The following SPTAN1 variants were observed in gnomAD, a reference collection of about 807,000 sequenced individuals.
SPTAN1 encodes spectrin alpha chain, non-erythrocytic 1.
A neutral mutation model predicts 331.3 loss-of-function variants in SPTAN1; 61 were observed. That is an observed-to-expected ratio of 0.18 (90% CI 0.15 to 0.23). The LOEUF (loss-of-function observed/expected upper bound fraction) is 0.23. Ranked by LOEUF, SPTAN1 falls within the 10% of genes least tolerant of loss-of-function variation. The pLI is 1.00. For synonymous variants in SPTAN1, 1,153 were observed against 1,173.9 expected (o/e 0.98, Z 0.36); for missense variants, 2,043 against 3,147.9 (o/e 0.65, Z 8.40).
At chr9:128,589,001 A>T in intron 21 of SPTAN1, 58 bp downstream of exon 21, 1 of 1,602,740 alleles carries the variant, frequency 6.2e-7, no homozygotes, top group Non-Finnish European at 8.5e-7. Flanking sequence ...ACGTATGCTC[A>T]GTTGGGTTTC....
chr9:128,633,639 A>T lies in SPTAN1; in HGVS notation c.*305A>T. On this transcript the variant is annotated 3_prime_UTR_variant, in exon 57 of 57. Coordinates refer to ENST00000372739, the MANE Select transcript of SPTAN1 (RefSeq NM_001130438.3). ...CCAAATCTGTTTTCATGTAAAAGACAAATAAATGATGACTTCCCCCAAAGC... is the reference window on the plus strand; with the variant it reads ...CCAAATCTGTTTTCATGTAAAAGACTAATAAATGATGACTTCCCCCAAAGC... The T allele has an allele frequency of 7.3e-7, 1 of 1,366,712 alleles. No individual in the cohort carries two copies. The highest frequency in any genetic ancestry group is 1.0e-6 in the Non-Finnish European group (1 of 997,502). 84.7% of individuals were successfully genotyped at this position (1,366,712 alleles called of 1,614,324 possible). A position where few individuals can be genotyped will look rare whatever the true frequency, so the allele number is the denominator to read the frequency against.
At position 128,566,756 on chromosome 9, in the gene SPTAN1, G is replaced by A; in HGVS notation, c.16G>A (p.Val6Ile). The A allele has an allele frequency of 6.2e-7, 1 of 1,614,202 alleles. No homozygotes were observed. Reference sequence around the variant, plus strand: ...ATTTCAGAAAATGGACCCAAGTGGGGTCAAAGTGCTGGAAACAGCAGAGGA... The same window carrying A: ...ATTTCAGAAAATGGACCCAAGTGGGATCAAAGTGCTGGAAACAGCAGAGGA... MDPSG[V>I]KVLETAEDIQ... The change falls in exon 2 of 57, where the codon GTC (valine) becomes ATC (isoleucine). Residue 6 changes from valine (V) to isoleucine (I), a missense_variant. Physicochemically the swap from Val to Ile is conservative, Grantham distance 29. This residue lies in a region of SPTAN1 where 1,038 missense variants were observed against 1,531.5 expected (regional missense o/e 0.68). Coordinates refer to ENST00000372739, the MANE Select transcript of SPTAN1 (RefSeq NM_001130438.3).
chr9:128,617,203 C>T (rs1005170295), intron 41 of SPTAN1, among the ~76,000 whole-genome samples: 2 of 150,262 alleles, frequency 1.3e-5, no homozygotes, highest in African/African-American at 4.9e-5. Flanking sequence ...CATGCCATTG[C>T]ACTTTAGCCT....
At chr9:128,603,218 T>C (rs1855405765) in intron 27 of SPTAN1, among the ~76,000 whole-genome samples, 2 of 152,086 alleles carry the variant, frequency 1.3e-5, no homozygotes, top group Admixed American at 6.6e-5. Context: ...TCTCCTGTAG[T>C]ATAGACAAGA....
rs180843381 is a variant in SPTAN1, at chr9:128,563,627, T to C, written c.-3-3111T>C. ...CAAACTGAAAGATTCGTTATGGAGC[T>C]CTCTCCCTACCCCTTACAAATGAAT... is the stretch of plus-strand genomic sequence containing the variant. On this transcript the variant is annotated intron_variant, in intron 1 of 56. Transcript: ENST00000372739. 1.2e-4 allele frequency among the ~76,000 whole-genome samples: 18 copies of C among 152,134 alleles called. 1 individual carries two copies. Among genetic ancestry groups the C allele is most frequent in the Admixed American group, 1.2e-3 (18 of 15,268 alleles).
At position 128,627,793 on chromosome 9, in the gene SPTAN1, G is replaced by T. The variant is rs1430064473; in HGVS notation, c.6690-132G>T. The stretch of plus-strand genomic sequence containing the variant: ...ATGACTTGGTGACAGACGATGCAGG[G>T]TCTGTGCGTTGGGTACTGATGTTCT... On this transcript the variant is annotated intron_variant, in intron 50 of 56. Transcript: ENST00000372739. This position sits in a 1 kb window ranked among gnomAD's most constrained non-coding sequence, Gnocchi z 4.9. 3 of 1,162,294 alleles carry T rather than the reference G, an allele frequency of 2.6e-6. No homozygotes were observed. Among genetic ancestry groups the T allele is most frequent in the African/African-American group, 3.0e-5 (2 of 66,114 alleles). 72.0% of individuals were successfully genotyped at this position (1,162,294 alleles called of 1,614,324 possible). A position where few individuals can be genotyped will look rare whatever the true frequency, so the allele number is the denominator to read the frequency against.
At chr9:128,563,155 C>CT (rs1306064176) in intron 1 of SPTAN1, among the ~76,000 whole-genome samples, 1 of 151,842 alleles carries the variant, frequency 6.6e-6, no homozygotes, top group East Asian at 1.9e-4. Flanking sequence ...GTGGCTCATG[C>CT]TTGTAATCCC....
chr9:128,609,654 T>A lies in SPTAN1; in HGVS notation c.4762T>A (p.Ser1588Thr). The change falls in exon 37 of 57, where the codon TCC becomes ACC. Residue 1588 changes from serine to threonine, a missense_variant. Ser to Thr is a moderately conservative substitution (Grantham distance 58). Transcript: ENST00000372739. ...SYKDPTNIQL[S>T]KLLSKHQKHQ... ...TTCTTTTAATCTGTTTTTGTAGCTT[T>A]CCAAGCTGCTGGTAAGTTTTTAATT... 6.6e-7 allele frequency: 1 copy of A among 1,525,940 alleles called. No individual in the cohort carries two copies. Among genetic ancestry groups the A allele is most frequent in the Non-Finnish European group, 8.8e-7 (1 of 1,139,144 alleles). The allele number at this position is 1,525,940 out of a possible 1,614,324, so 94.5% of individuals were successfully genotyped here. A position where few individuals can be genotyped will look rare whatever the true frequency, so the allele number is the denominator to read the frequency against.
chr9:128,600,206 G>A (rs763723561), intron 27 of SPTAN1, 91 bp downstream of exon 27: 10 of 1,410,640 alleles, frequency 7.1e-6, no homozygotes, highest in Non-Finnish European at 1.0e-5. Context: ...TGAATATTCA[G>A]CTTAAGTCTT....
At chr9:128,594,826 A>ATT (rs572195712) in intron 24 of SPTAN1, among the ~76,000 whole-genome samples, 9 of 76,810 alleles carry the variant, frequency 1.2e-4, no homozygotes, top group East Asian at 3.5e-4. Context: ...TTTTTTTTCA[A>ATT]TTTTTTTTTT....
At position 128,581,912 on chromosome 9, in the gene SPTAN1, G is replaced by C; in HGVS notation, c.1572+20G>C. ...ATTACAGTAAGACCCCTTCTTGTCA[G>C]TGCTTTCAAATGACCCTTATAGTAA... is the stretch of plus-strand genomic sequence containing the variant. On this transcript the variant is annotated intron_variant, in intron 12 of 56. Transcript: ENST00000372739. 1 of 1,546,118 alleles carries C rather than the reference G, an allele frequency of 6.5e-7. No individual in the cohort carries two copies. Among genetic ancestry groups the C allele is most frequent in the South Asian group, 1.1e-5 (1 of 89,652 alleles).
intron 40 of SPTAN1, 140 bp from the exon 41 acceptor site, chr9:128,615,492 G>A: frequency 1.2e-6 from 1 of 814,188 alleles, no homozygotes; most frequent in African/African-American, 1.7e-5. Flanking sequence ...AGTGTGAGTT[G>A]ATAGAATGCC....
chr9:128,578,378 TG>T, intron 9 of SPTAN1, 133 bp downstream of exon 9: 5 of 1,276,274 alleles, frequency 3.9e-6, no homozygotes, highest in Non-Finnish European at 5.5e-6. Context: ...ATGAGGATTA[TG>T]GTTGGTTTTG....
At chr9:128,579,839 C>A in intron 10 of SPTAN1, 101 bp downstream of exon 10, 1 of 968,490 alleles carries the variant, frequency 1.0e-6, no homozygotes, top group Non-Finnish European at 1.6e-6. Flanking sequence ...ACGCATTCAC[C>A]ATGATATGTG....
At position 128,625,213 on chromosome 9, in the gene SPTAN1, T is replaced by C; in HGVS notation, c.6069+34T>C. On this transcript the variant is annotated intron_variant, in intron 47 of 56. Coordinates refer to ENST00000372739, the MANE Select transcript of SPTAN1 (RefSeq NM_001130438.3). This position sits in a 1 kb window ranked among gnomAD's most constrained non-coding sequence, Gnocchi z 4.1. ...TGGCCCCTTCACTGGTTGAAATGTA[T>C]GCAGATAGCATCTGTGAGATGACTG... 6.2e-7 allele frequency: 1 copy of C among 1,602,192 alleles called. No individual in the cohort carries two copies. Among genetic ancestry groups the C allele is most frequent in the Admixed American group, 1.7e-5 (1 of 59,952 alleles).
Position 128,577,529 on chromosome 9 carries a change from T to C in SPTAN1, c.1085+23T>C, listed in dbSNP as rs772985392. ...CAGGTGCAAATAATGCTCCAGGTCTTAACCAGTATCATTTGGCTTCTTTTT... is the reference window on the plus strand; with the variant it reads ...CAGGTGCAAATAATGCTCCAGGTCTCAACCAGTATCATTTGGCTTCTTTTT... On this transcript the variant is annotated intron_variant, in intron 8 of 56. Transcript: ENST00000372739. This position sits in a 1 kb window ranked among gnomAD's most constrained non-coding sequence, Gnocchi z 4.2. 1 of 1,612,846 alleles carries C rather than the reference T, an allele frequency of 6.2e-7. No homozygotes were observed. The highest frequency in any genetic ancestry group is 1.1e-5 in the South Asian group (1 of 91,048).
chr9:128,562,992 G>GTATATATATATA (rs1168781290), intron 1 of SPTAN1, among the ~76,000 whole-genome samples: 6 of 3,112 alleles, frequency 1.9e-3, no homozygotes, highest in African/African-American at 2.4e-3. Flanking sequence ...ACATGTATGT[G>GTATATATATATA]TATATATATA....
At chr9:128,567,180 C>A (rs1850131464) in intron 2 of SPTAN1, among the ~76,000 whole-genome samples, 1 of 152,216 alleles carries the variant, frequency 6.6e-6, no homozygotes, top group South Asian at 2.1e-4. Context: ...TTTCTGGATG[C>A]TTTAAACTGA....
rs745633888 is a variant in SPTAN1, at chr9:128,578,134, C to A, written c.1110C>A (p.Phe370Leu). The A allele has an allele frequency of 6.2e-7, 1 of 1,614,198 alleles. No individual in the cohort carries two copies. Among genetic ancestry groups the A allele is most frequent in the Non-Finnish European group, 8.5e-7 (1 of 1,180,036 alleles). The change falls in exon 9 of 57, where the codon TTC becomes TTA. Residue 370 changes from phenylalanine to leucine, a missense_variant. Transcript: ENST00000372739. ...SYRLQRFLADFRDLTSWVTEM... is the reference protein window; with the variant it reads ...SYRLQRFLADLRDLTSWVTEM... ...GGCTTCAACGCTTCCTTGCTGACTT[C>A]CGTGACCTCACCAGCTGGGTGACTG... is the stretch of plus-strand genomic sequence containing the variant.
Sources: allele counts gnomAD v4.1 joint callset (sites outside exome capture counted in the v4.1 genomes callset), GRCh38; gene constraint gnomAD v4.1.1; regional missense constraint gnomAD v4.1.1; non-coding constraint Gnocchi (gnomAD v3.1); transcripts MANE v1.5; gene names NCBI Gene and HGNC (gene_info 2026-07-23, HGNC 2026-07-21).